The following UBE2O variants were observed in gnomAD, a reference collection of about 807,000 sequenced individuals.
UBE2O encodes (E3-independent) E2 ubiquitin-conjugating enzyme.
A neutral mutation model predicts 125.8 loss-of-function variants in UBE2O; 15 were observed. The observed-to-expected ratio is 0.12, with a 90% CI of 0.08 to 0.18. The LOEUF (loss-of-function observed/expected upper bound fraction) is 0.18, where lower values mean the gene tolerates loss of function less well. UBE2O is among the 10% of genes least tolerant of loss of function. UBE2O has a pLI of 1.00. For synonymous variants in UBE2O, 708 were observed against 703.2 expected, an observed-to-expected ratio of 1.01 and a Z score of -0.11; for missense variants, 1,280 against 1,723.6, an observed-to-expected ratio of 0.74 and a Z score of 4.56.
At position 76,405,300 on chromosome 17, in the gene UBE2O, G is replaced by A. The variant is rs756721426; in HGVS notation, c.494C>T (p.Thr165Met). 15 of 1,611,982 alleles carry A rather than the reference G, an allele frequency of 9.3e-6. No homozygotes were observed. The highest frequency in any genetic ancestry group is 3.3e-5 in the Admixed American group (2 of 59,882). Reference sequence around the variant, plus strand: ...ACAGTCGATGTTGACGTCGATCACCGTGCCACACTGACTGTCCTGGGGGAG... The same window carrying A: ...ACAGTCGATGTTGACGTCGATCACCATGCCACACTGACTGTCCTGGGGGAG... The part of the protein sequence containing the change: ...HMRSTDSQCG[T>M]VIDVNIDCAV... Residue 165 changes from threonine to methionine, a missense_variant, in exon 3 of 18, where the codon ACG becomes ATG. By Grantham distance (81) the Thr-to-Met change is moderately conservative. This residue lies in a region of UBE2O where 206 missense variants were observed against 315.7 expected (regional missense o/e 0.65). Transcript: ENST00000319380. This position sits in a 1 kb window ranked among gnomAD's most constrained non-coding sequence, Gnocchi z 6.1.
intron 1 of UBE2O, among the ~76,000 whole-genome samples, chr17:76,418,316 C>T (rs1018452032): frequency 6.6e-6 from 1 of 152,220 alleles, no homozygotes; most frequent in Non-Finnish European, 1.5e-5. Flanking sequence ...GAAGGAGGTA[C>T]ACAATTCCTG....
chr17:76,420,822 G>A (rs2072698715), intron 1 of UBE2O, among the ~76,000 whole-genome samples: 1 of 152,114 alleles, frequency 6.6e-6, no homozygotes, highest in African/African-American at 2.4e-5. Context: ...TATGTCTGTG[G>A]CCACAGAAAG....
At position 76,404,628 on chromosome 17, in the gene UBE2O, A is replaced by G. The variant is rs797003147; in HGVS notation, c.588+578T>C. ...AGTAATTATCAACGTTGATTTCCCA[A>G]TCTGGGGGTTATATGGTGGTTGCAC... On this transcript the variant is annotated intron_variant, in intron 3 of 17. Coordinates refer to ENST00000319380, the MANE Select transcript of UBE2O (RefSeq NM_022066.4). The surrounding 1 kb of genome is among the most constrained non-coding windows in gnomAD (Gnocchi z 4.3). 6.6e-6 allele frequency among the ~76,000 whole-genome samples: 1 copy of G among 152,142 alleles called. No individual in the cohort carries two copies. Among genetic ancestry groups the G allele is most frequent in the Admixed American group, 6.5e-5 (1 of 15,278 alleles).
At chr17:76,445,595 C>T (rs1025026929) in intron 1 of UBE2O, among the ~76,000 whole-genome samples, 2 of 152,186 alleles carry the variant, frequency 1.3e-5, no homozygotes, top group African/African-American at 4.8e-5. Context: ...TAGGGGTGAC[C>T]TGGACAAAGC....
In UBE2O at chr17:76,424,870, A is replaced by AT. The variant is rs1182766923; in HGVS notation, c.418-19299dup. ...GTTTCTTTTTTTTTTTTTATTTTTT[A>AT]TTTTTTTTTTTTGAGACAGAGTCTC... On this transcript the variant is annotated intron_variant, in intron 1 of 17. Coordinates refer to ENST00000319380, the MANE Select transcript of UBE2O (RefSeq NM_022066.4). Among the ~76,000 whole-genome samples, 684 of 134,874 alleles carry AT rather than the reference A, an allele frequency of 5.1e-3. 9 individuals carry two copies. Among genetic ancestry groups the AT allele is most frequent in the African/African-American group, 0.012 (440 of 36,106 alleles). The allele number at this position is 134,874 out of a possible 152,430, so 88.5% of individuals were successfully genotyped here.
rs1018001297 is a variant in UBE2O at position 76,395,797 on chromosome 17, C to T, written c.2874G>A (p.Val958=). ...TAGCCAGCAGCGCCATCTCCTTCCGCACTGTGCTGAAGAACTTCTTGGCTT... is the reference window on the plus strand; with the variant it reads ...TAGCCAGCAGCGCCATCTCCTTCCGTACTGTGCTGAAGAACTTCTTGGCTT... ...PPEAKKFFST[V]RKEMALLATS... is the part of the protein sequence containing the mutation. Residue 958 remains valine (V), a synonymous_variant, in exon 15 of 18, where the codon GTG becomes GTA. Transcript: ENST00000319380. This position sits in a 1 kb window ranked among gnomAD's most constrained non-coding sequence, Gnocchi z 5.0. 3 of 1,614,118 alleles carry T rather than the reference C, an allele frequency of 1.9e-6. No homozygotes were observed. In the African/African-American group the frequency reaches 4.0e-5, roughly 22 times the overall value.
In UBE2O at chr17:76,389,776, A is replaced by G; in HGVS notation, c.*1167T>C. On this transcript the variant is annotated 3_prime_UTR_variant, in exon 18 of 18. Transcript: ENST00000319380. ...GGTGTGGAGCCCACTTAAGGCTGAC[A>G]AGACGCATCATGCTTTGGCTTTTTT... 6.6e-6 allele frequency: 1 copy of G among 152,172 alleles called. No individual in the cohort carries two copies. Among genetic ancestry groups the G allele is most frequent in the East Asian group, 1.9e-4 (1 of 5,204 alleles). 9.4% of individuals were successfully genotyped at this position (152,172 alleles called of 1,614,324 possible).
rs375168133 is a variant in UBE2O at position 76,399,571 on chromosome 17, A to C, written c.1506T>G (p.Thr502=). 272 of 1,614,026 alleles carry C rather than the reference A, an allele frequency of 1.7e-4. No homozygotes were observed. Among genetic ancestry groups the C allele is most frequent in the Non-Finnish European group, 2.2e-4 (254 of 1,180,026 alleles). The part of the protein sequence containing the change: ...SSVTSSASST[T]SSQSGSGTSR... ...TCGTGCCGCTGCCGCTCTGGGAGGA[A>C]GTGGTGGAGCTGGCAGAGGAGGTCA... Residue 502 remains threonine (T), a synonymous_variant, in exon 9 of 18, where the codon ACT becomes ACG. Coordinates refer to ENST00000319380, the MANE Select transcript of UBE2O (RefSeq NM_022066.4). The surrounding 1 kb of genome is among the most constrained non-coding windows in gnomAD (Gnocchi z 6.9).
Position 76,395,274 on chromosome 17 carries a change from C to T in UBE2O, c.2946+451G>A, listed in dbSNP as rs2072184981. On this transcript the variant is annotated intron_variant, in intron 15 of 17. Coordinates refer to ENST00000319380, the MANE Select transcript of UBE2O (RefSeq NM_022066.4). The surrounding 1 kb of genome is among the most constrained non-coding windows in gnomAD (Gnocchi z 5.0). ...TCGGCTCACTGCAAGCTCCACCTCC[C>T]AGGTTCACGCCATTCTCCTGCCTCA... is the stretch of plus-strand genomic sequence containing the variant. The T allele has an allele frequency of 6.5e-6, 1 of 152,960 alleles. No individual in the cohort carries two copies. The highest frequency in any genetic ancestry group is 1.5e-5 in the Non-Finnish European group (1 of 68,638). 9.5% of individuals were successfully genotyped at this position (152,960 alleles called of 1,614,324 possible). A position where few individuals can be genotyped will look rare whatever the true frequency, so the allele number is the denominator to read the frequency against.
Position 76,396,495 on chromosome 17 carries a change from C to G in UBE2O, c.2442G>C (p.Leu814Phe), listed in dbSNP as rs779200991. 6.2e-7 allele frequency: 1 copy of G among 1,613,950 alleles called. No homozygotes were observed. ...KDGPPKSFRE[L>F]KEAIKILESL... ...TCTCCAGGATCTTGATGGCCTCTTT[C>G]AACTCCCGGAAGCTCTTGGGTGGCC... Residue 814 changes from leucine (L) to phenylalanine (F), a missense_variant, in exon 14 of 18, where the codon TTG becomes TTC. Leu to Phe is a conservative substitution (Grantham distance 22). Transcript: ENST00000319380. This position sits in a 1 kb window ranked among gnomAD's most constrained non-coding sequence, Gnocchi z 6.7.
rs2072072433 is a variant in UBE2O at position 76,389,845 on chromosome 17, T to G, written c.*1098A>C. Reference sequence around the variant, plus strand: ...AAGAGTTAATATCTTTGCTTTTGAGTTTTTTTTCCAACCTTAAATATTACA... The same window carrying G: ...AAGAGTTAATATCTTTGCTTTTGAGGTTTTTTTCCAACCTTAAATATTACA... On this transcript the variant is annotated 3_prime_UTR_variant, in exon 18 of 18. Coordinates refer to ENST00000319380, the MANE Select transcript of UBE2O (RefSeq NM_022066.4). 1.4e-5 allele frequency: 2 copies of G among 141,702 alleles called. No individual in the cohort carries two copies. The highest frequency in any genetic ancestry group is 2.1e-4 in the South Asian group (1 of 4,720). The allele number at this position is 141,702 out of a possible 1,614,324, so 8.8% of individuals were successfully genotyped here. A position where few individuals can be genotyped will look rare whatever the true frequency, so the allele number is the denominator to read the frequency against.
chr17:76,452,991 C>A lies in UBE2O; in HGVS notation c.151G>T (p.Gly51Cys), dbSNP rs1354242508. 2.0e-6 allele frequency: 3 copies of A among 1,491,494 alleles called. No homozygotes were observed. Among genetic ancestry groups the A allele is most frequent in the East Asian group, 3.0e-5 (1 of 33,450 alleles). The allele number at this position is 1,491,494 out of a possible 1,614,324, so 92.4% of individuals were successfully genotyped here. A position where few individuals can be genotyped will look rare whatever the true frequency, so the allele number is the denominator to read the frequency against. Residue 51 changes from glycine (G) to cysteine (C), a missense_variant, in exon 1 of 18, where the codon GGC (glycine) becomes TGC (cysteine). Around this residue, in one of 10 missense-constraint regions of UBE2O, gnomAD observed 188 missense variants for 192.5 expected, o/e 0.98. Coordinates refer to ENST00000319380, the MANE Select transcript of UBE2O (RefSeq NM_022066.4). This position sits in a 1 kb window ranked among gnomAD's most constrained non-coding sequence, Gnocchi z 4.4. ...AGGCGCTGCGAGCCGGCTTCTGGGC[C>A]GGAGTCCGAGGACGGCCCGGAGGCC... ...DSASGPSSDS[G>C]PEAGSQRLLF...
intron 1 of UBE2O, among the ~76,000 whole-genome samples, chr17:76,438,228 G>T (rs980855079): frequency 6.6e-6 from 1 of 152,162 alleles, no homozygotes; most frequent in Non-Finnish European, 1.5e-5. Flanking sequence ...AGTTTCAGTG[G>T]GGAATGATGA....
chr17:76,450,454 T>G (rs1243332498), intron 1 of UBE2O, among the ~76,000 whole-genome samples: 1 of 152,086 alleles, frequency 6.6e-6, no homozygotes, highest in East Asian at 1.9e-4. Flanking sequence ...GGCATCCCAT[T>G]CCACCACTTC....
In UBE2O at chr17:76,401,869, G is replaced by A. The variant is rs549338532; in HGVS notation, c.750+195C>T. On this transcript the variant is annotated intron_variant, in intron 5 of 17. Coordinates refer to ENST00000319380, the MANE Select transcript of UBE2O (RefSeq NM_022066.4). ...CCAGCCTGGGCGACAGTGAGACTCT[G>A]TCTCAAAAAAAAAAAAAAAAAAAAA... 2.8e-4 allele frequency: 111 copies of A among 390,018 alleles called. 2 individuals are homozygous for A. The highest frequency in any genetic ancestry group is 8.6e-5 in the Non-Finnish European group (20 of 232,256). 24.2% of individuals were successfully genotyped at this position (390,018 alleles called of 1,614,324 possible).
At chr17:76,392,151 G>A (rs895346777) in intron 15 of UBE2O, 38 bp from the exon 16 acceptor site, 2 of 1,272,804 alleles carry the variant, frequency 1.6e-6, no homozygotes, top group Non-Finnish European at 2.1e-6. Context: ...AAGGTTGGCA[G>A]GGGTGGAAGG....
At chr17:76,393,523 A>G (rs1413951607) in intron 15 of UBE2O, among the ~76,000 whole-genome samples, 2 of 151,972 alleles carry the variant, frequency 1.3e-5, no homozygotes, top group Admixed American at 6.5e-5. Flanking sequence ...GTGAGCCACC[A>G]CGCCCGGCCA....
chr17:76,423,301 C>A (rs2072739417), intron 1 of UBE2O, among the ~76,000 whole-genome samples: 3 of 152,120 alleles, frequency 2.0e-5, no homozygotes, highest in Admixed American at 2.0e-4. Context: ...ATTGCTTAAG[C>A]CCAGGAATTC....
intron 15 of UBE2O, among the ~76,000 whole-genome samples, 199 bp from the exon 16 acceptor site, chr17:76,392,312 T>A (rs202165048): frequency 6.7e-6 from 1 of 149,204 alleles, no homozygotes; most frequent in African/African-American, 2.5e-5. Flanking sequence ...GCCTGGAATC[T>A]TTTTTTTTTG....
Sources: gnomAD v4.1 joint callset for allele counts (sites outside exome capture counted in the v4.1 genomes callset) on GRCh38, gnomAD v4.1.1 for gene constraint, gnomAD v4.1.1 regional missense constraint, Gnocchi (gnomAD v3.1) non-coding constraint, MANE v1.5 for transcripts, NCBI Gene and HGNC (gene_info 2026-07-23, HGNC 2026-07-21) for gene names.